The following FRRS1 variants were observed in gnomAD, a reference collection of about 807,000 sequenced individuals.
The protein encoded by FRRS1 is ferric reductase 1.
Under a neutral mutation model 70.7 loss-of-function variants are expected in FRRS1, and 51 were observed. The ratio of observed to expected loss-of-function variants is 0.72; its 90% CI spans 0.58 to 0.91. The LOEUF is 0.91. Ranked by LOEUF, FRRS1 falls within the 40% of genes least tolerant of loss-of-function variation. The pLI, the probability that FRRS1 is intolerant of heterozygous loss-of-function variation, is 0.00. For synonymous variants in FRRS1, 225 were observed against 238.7 expected, an observed-to-expected ratio of 0.94 and a Z score of 0.53; for missense variants, 672 against 726.0, an observed-to-expected ratio of 0.93 and a Z score of 0.86.
intron 1 of FRRS1, among the ~76,000 whole-genome samples, chr1:99,761,407 G>A (rs762857321): frequency 5.3e-5 from 8 of 152,058 alleles, no homozygotes; most frequent in East Asian, 3.9e-4. Context: ...GATTACAGAC[G>A]CAAGCCACCT....
chr1:99,742,165 A>T lies in FRRS1; in HGVS notation c.428+14T>A. 6.6e-7 allele frequency: 1 copy of T among 1,524,658 alleles called. No homozygotes were observed. Among genetic ancestry groups the T allele is most frequent in the South Asian group, 1.1e-5 (1 of 88,418 alleles). 94.4% of individuals were successfully genotyped at this position (1,524,658 alleles called of 1,614,324 possible). ...CACCATGCCTGGCCCAGAATTATAA[A>T]CTCTTATACTCACAGAAACTGTGTG... On this transcript the variant is annotated intron_variant, in intron 5 of 16. Coordinates refer to ENST00000646001, the MANE Select transcript of FRRS1 (RefSeq NM_001361041.2).
intron 1 of FRRS1, among the ~76,000 whole-genome samples, chr1:99,749,408 T>G (rs1656462302): frequency 6.6e-6 from 1 of 152,222 alleles, no homozygotes; most frequent in South Asian, 2.1e-4. Context: ...TATTATCAAT[T>G]GGAAATAATA....
At position 99,709,017 on chromosome 1, in the gene FRRS1, T is replaced by A. The variant is rs751112100; in HGVS notation, c.*11A>T. ...ATCACTTGGCCTGCAAAAGCCAAGG[T>A]CTTTGCTTGCTCATAGATGGTTGAT... is the stretch of plus-strand genomic sequence containing the variant. On this transcript the variant is annotated 3_prime_UTR_variant, in exon 17 of 17. Transcript: ENST00000646001. The A allele has an allele frequency of 1.2e-5, 19 of 1,613,614 alleles. No homozygotes were observed. In the South Asian group the frequency reaches 2.1e-4, roughly 18 times the overall value.
chr1:99,761,851 A>G (rs1326166773), intron 1 of FRRS1, among the ~76,000 whole-genome samples: 4 of 152,212 alleles, frequency 2.6e-5, no homozygotes, highest in Admixed American at 2.6e-4. Context: ...ATTTCGCTAT[A>G]GTAATTTAGA....
At chr1:99,726,921 C>T (rs1188804435) in intron 9 of FRRS1, among the ~76,000 whole-genome samples, 3 of 152,086 alleles carry the variant, frequency 2.0e-5, no homozygotes, top group African/African-American at 7.2e-5. Flanking sequence ...CTTGGTTTTG[C>T]CAAGGCTGGT....
intron 8 of FRRS1, among the ~76,000 whole-genome samples, 160 bp from the exon 9 acceptor site, chr1:99,728,800 C>T (rs938783610): frequency 6.6e-6 from 1 of 152,170 alleles, no homozygotes; most frequent in South Asian, 2.1e-4. Flanking sequence ...TTGAAGAGAA[C>T]AAGAAACATT....
chr1:99,745,011 G>GA (rs1424673374), intron 4 of FRRS1, among the ~76,000 whole-genome samples: 1 of 140,038 alleles, frequency 7.1e-6, no homozygotes, highest in East Asian at 2.1e-4. Flanking sequence ...AGAAAGAAAA[G>GA]AAAATCATTG....
At chr1:99,745,652 C>A (rs928114967) in intron 4 of FRRS1, among the ~76,000 whole-genome samples, 1 of 151,926 alleles carries the variant, frequency 6.6e-6, no homozygotes, top group Non-Finnish European at 1.5e-5. Flanking sequence ...CCACTGCACT[C>A]CAGCCTGGAT....
chr1:99,740,631 C>T (rs1297120253), intron 6 of FRRS1, among the ~76,000 whole-genome samples, 162 bp downstream of exon 6: 6 of 152,070 alleles, frequency 3.9e-5, no homozygotes, highest in Non-Finnish European at 1.5e-5. Context: ...TTTAATGAAG[C>T]TATAAAAATG....
intron 9 of FRRS1, among the ~76,000 whole-genome samples, chr1:99,727,064 T>C (rs77229384): frequency 3.9e-5 from 6 of 152,200 alleles, no homozygotes; most frequent in Admixed American, 1.3e-4. Context: ...AAGGCCAAAT[T>C]CCAACTGCAC....
chr1:99,747,218 G>C, intron 4 of FRRS1, 76 bp downstream of exon 4: 1 of 1,210,542 alleles, frequency 8.3e-7, no homozygotes, highest in South Asian at 1.4e-5. Flanking sequence ...GTTATACACA[G>C]ATTTCCAATT....
intron 7 of FRRS1, among the ~76,000 whole-genome samples, chr1:99,731,124 A>G (rs1284187096): frequency 1.3e-5 from 2 of 152,214 alleles, no homozygotes; most frequent in African/African-American, 4.8e-5. Flanking sequence ...GAAAAAGAAT[A>G]CCAAAAAAGA....
At chr1:99,745,741 A>G (rs1399515561) in intron 4 of FRRS1, among the ~76,000 whole-genome samples, 1 of 152,032 alleles carries the variant, frequency 6.6e-6, no homozygotes, top group Non-Finnish European at 1.5e-5. Flanking sequence ...TCCCCACCCA[A>G]CTCTCAAGTT....
At chr1:99,711,050 G>T in intron 14 of FRRS1, 101 bp from the exon 15 acceptor site, 2 of 992,514 alleles carry the variant, frequency 2.0e-6, no homozygotes, top group Non-Finnish European at 2.9e-6. Context: ...TACTAAAAGA[G>T]TTTGAGATAA....
chr1:99,730,775 G>A (rs1655332376), intron 7 of FRRS1, among the ~76,000 whole-genome samples: 3 of 151,244 alleles, frequency 2.0e-5, no homozygotes, highest in South Asian at 2.1e-4. Context: ...GCTGAGGCAG[G>A]AGAATGGCGT....
At chr1:99,717,155 T>C (rs1239576560) in intron 11 of FRRS1, among the ~76,000 whole-genome samples, 1 of 152,162 alleles carries the variant, frequency 6.6e-6, no homozygotes, top group Non-Finnish European at 1.5e-5. Context: ...AAAGTCTATA[T>C]TACAAAGGGA....
chr1:99,730,564 T>A (rs1469549365), intron 7 of FRRS1, among the ~76,000 whole-genome samples: 1 of 151,990 alleles, frequency 6.6e-6, no homozygotes, highest in East Asian at 1.9e-4. Context: ...CTAAAAAAAA[T>A]TTTTTAAAAA....
intron 7 of FRRS1, among the ~76,000 whole-genome samples, chr1:99,732,264 C>A (rs1412196985): frequency 6.6e-6 from 1 of 152,180 alleles, no homozygotes; most frequent in Non-Finnish European, 1.5e-5. Context: ...CATAAAAGTA[C>A]ACCCTATAAG....
chr1:99,705,771 T>C lies in FRRS1; in HGVS notation c.*3257A>G, dbSNP rs1654022492. 1.3e-5 allele frequency among the ~76,000 whole-genome samples: 2 copies of C among 152,236 alleles called. No individual in the cohort carries two copies. Among genetic ancestry groups the C allele is most frequent in the South Asian group, 4.1e-4 (2 of 4,836 alleles). ...GAGAATTTTTTTATTGCCTCAGCTA[T>C]TAATGCCAGCCCAACCACAATTTTC... On this transcript the variant is annotated 3_prime_UTR_variant, in exon 17 of 17. Coordinates refer to ENST00000646001, the MANE Select transcript of FRRS1 (RefSeq NM_001361041.2).
Sources: gnomAD v4.1 joint callset for allele counts (sites outside exome capture counted in the v4.1 genomes callset) on GRCh38, gnomAD v4.1.1 for gene constraint, MANE v1.5 for transcripts, NCBI Gene and HGNC (gene_info 2026-07-23, HGNC 2026-07-21) for gene names.